XAGE5: variants seen among roughly 807,000 people sequenced by gnomAD.
XAGE5 encodes X antigen family member 5, also known as G antigen, family D, 5.
In XAGE5, 13 loss-of-function variants were observed where a neutral mutation model predicts 13.1. That is an observed-to-expected ratio of 0.99 (90% CI 0.64 to 1.57). XAGE5 has a LOEUF of 1.57. XAGE5 is among the 40% of genes most tolerant of loss of function. XAGE5 has a pLI of 0.00. For missense variants in XAGE5, 86 were observed against 77.6 expected, an observed-to-expected ratio of 1.11 and a Z score of -0.41; for synonymous variants, 17 against 25.0, an observed-to-expected ratio of 0.68 and a Z score of 0.96.
intron 5 of XAGE5, among the ~76,000 whole-genome samples, chrX:52,816,070 T>C (rs1482053680): frequency 8.9e-6 from 1 of 111,992 alleles, no homozygotes; most frequent in African/African-American, 3.2e-5. Context: ...TAGCCTCACA[T>C]GTATTTGGGA....
chrX:52,816,163 C>G (rs782326746), intron 5 of XAGE5, among the ~76,000 whole-genome samples: 1 of 111,103 alleles, frequency 9.0e-6, no homozygotes, highest in African/African-American at 3.3e-5. Flanking sequence ...AGTCTGGGCT[C>G]GAACTCCTGA....
In XAGE5 at chrX:52,818,038, G is replaced by A. The variant is rs190207880; in HGVS notation, c.305-153G>A. Among the ~76,000 whole-genome samples, 14 of 111,842 alleles carry A rather than the reference G, an allele frequency of 1.3e-4. No individual in the cohort carries two copies. In the East Asian group the frequency reaches 1.7e-3, roughly 13 times the overall value. Reference sequence around the variant, plus strand: ...AGTGTATCCTCAAAGTCTCTACAGAGGTCTAGTTGAATATTAGCCGTAGGG... The same window carrying A: ...AGTGTATCCTCAAAGTCTCTACAGAAGTCTAGTTGAATATTAGCCGTAGGG... On this transcript the variant is annotated intron_variant, in intron 5 of 5. Transcript: ENST00000375501.
intron 4 of XAGE5, 106 bp from the exon 5 acceptor site, chrX:52,814,986 T>C (rs1926876766): frequency 1.1e-6 from 1 of 926,602 alleles, no homozygotes; most frequent in East Asian, 3.2e-5. Flanking sequence ...ATTACCACAG[T>C]AGCCTCTAGG....
chrX:52,813,357 A>G (rs1926842267), intron 4 of XAGE5, 112 bp downstream of exon 4: 1 of 727,410 alleles, frequency 1.4e-6, no homozygotes, highest in South Asian at 2.6e-5. Context: ...AAAGGATCTC[A>G]AACATTTGCT....
intron 5 of XAGE5, among the ~76,000 whole-genome samples, chrX:52,817,164 A>G (rs1926919855): frequency 8.9e-6 from 1 of 112,122 alleles, no homozygotes; most frequent in South Asian, 3.7e-4. Flanking sequence ...TAATATTTTC[A>G]GAGTATGGAT....
In XAGE5 at chrX:52,815,199, T is replaced by G. The variant is rs146155391; in HGVS notation, c.286T>G (p.Phe96Val). The change falls in exon 5 of 6, where the codon TTT (phenylalanine) becomes GTT (valine). Residue 96 changes from phenylalanine to valine, a missense_variant. By Grantham distance (50) the Phe-to-Val change is conservative (BLOSUM62 -1). Coordinates refer to ENST00000375501, the MANE Select transcript of XAGE5 (RefSeq NM_001386970.1). Reference sequence around the variant, plus strand: ...GAAGATTCTGCCAAAATCAGAGCAATTTAAAATGCCAGAAGGAGGTATGTT... The same window carrying G: ...GAAGATTCTGCCAAAATCAGAGCAAGTTAAAATGCCAGAAGGAGGTATGTT... ...QGKILPKSEQ[F>V]KMPEGGEGKP... The G allele has an allele frequency of 1.3e-4, 162 of 1,208,820 alleles. 2 individuals are homozygous for G. The African/African-American group carries it at 2.7e-3, about 20-fold the overall frequency.
In XAGE5 at chrX:52,811,855, G is replaced by T. The variant is rs143366005; in HGVS notation, c.-9+136G>T. The stretch of plus-strand genomic sequence containing the variant: ...GTGGCAACTTCTCAACCCCATCTTG[G>T]AAGTTCGAATGGGTGGAAGGGGCTA... On this transcript the variant is annotated intron_variant, in intron 2 of 5. Transcript: ENST00000375501. 4.0e-3 allele frequency among the ~76,000 whole-genome samples: 439 copies of T among 111,074 alleles called. 2 individuals carry two copies. Among genetic ancestry groups the T allele is most frequent in the African/African-American group, 0.014 (423 of 30,598 alleles).
intron 5 of XAGE5, among the ~76,000 whole-genome samples, chrX:52,816,958 A>C (rs1285197628): frequency 3.6e-5 from 4 of 112,509 alleles, no homozygotes; most frequent in Admixed American, 2.8e-4. Flanking sequence ...AATGAAAGGT[A>C]TGAATCATTA....
rs781822961 is a variant in XAGE5 at position 52,813,188 on chromosome X, C to T, written c.121C>T (p.Gln41Ter). The change falls in exon 4 of 6, where the codon CAG becomes TAG. Residue 41 changes from glutamine (Q) to a stop codon, truncating the protein, a stop_gained. Transcript: ENST00000375501. LOFTEE classifies it high-confidence loss of function. ...ACAAGAAGAACCACCAACTGAAAGT[C>T]AGGATCATACACCTGGTCAGAAGAG... is the stretch of plus-strand genomic sequence containing the variant. ...PQQEEPPTES[Q>*]DHTPGQKRED... The T allele has an allele frequency of 5.0e-6, 6 of 1,208,999 alleles. No individual in the cohort carries two copies. In the African/African-American group the frequency reaches 5.3e-5, roughly 11 times the overall value.
At chrX:52,814,215 A>G (rs1556777778) in intron 4 of XAGE5, 1 of 330,773 alleles carries the variant, frequency 3.0e-6, no homozygotes, top group Middle Eastern at 4.4e-4. Flanking sequence ...TCAGGACAAA[A>G]CGCAGTTCAG....
rs1442115675 is a variant in XAGE5 at position 52,811,403 on chromosome X, G to A, written c.-190G>A. Among the ~76,000 whole-genome samples the A allele has an allele frequency of 3.6e-5, 4 of 111,730 alleles. No individual in the cohort carries two copies. The highest frequency in any genetic ancestry group is 7.5e-5 in the Non-Finnish European group (4 of 53,118). ...TAGGTCCACAGGCCGATCCAACTGG[G>A]AGTTGAAGTGTGAGTGAGAGTGCGG... On this transcript the variant is annotated 5_prime_UTR_variant, in exon 1 of 6. Transcript: ENST00000375501.
chrX:52,812,005 G>C (rs1926806912), intron 2 of XAGE5, among the ~76,000 whole-genome samples: 1 of 111,360 alleles, frequency 9.0e-6, no homozygotes, highest in African/African-American at 3.3e-5. Flanking sequence ...ACGATGGAGA[G>C]TCCAATTGCG....
Position 52,818,049 on chromosome X carries a change from A to G in XAGE5, c.305-142A>G, listed in dbSNP as rs782666974. 2.9e-5 allele frequency: 19 copies of G among 660,887 alleles called. No homozygotes were observed. In the South Asian group the frequency reaches 5.5e-4, roughly 19 times the overall value. 54.5% of individuals were successfully genotyped at this position (660,887 alleles called of 1,213,427 possible). On this transcript the variant is annotated intron_variant, in intron 5 of 5. Transcript: ENST00000375501. Reference sequence around the variant, plus strand: ...AAAGTCTCTACAGAGGTCTAGTTGAATATTAGCCGTAGGGAGACTCTTCAG... The same window carrying G: ...AAAGTCTCTACAGAGGTCTAGTTGAGTATTAGCCGTAGGGAGACTCTTCAG...
intron 2 of XAGE5, chrX:52,812,227 C>T (rs1926811208): frequency 4.9e-6 from 1 of 205,036 alleles, no homozygotes; most frequent in Admixed American, 6.7e-5. Context: ...GTGTGGTATA[C>T]ACTCAGGTGC....
At chrX:52,812,376 G>A in intron 2 of XAGE5, 183 bp from the exon 3 acceptor site, 1 of 363,583 alleles carries the variant, frequency 2.8e-6, no homozygotes, top group Non-Finnish European at 4.8e-6. Flanking sequence ...CGGTTCAAGT[G>A]GTTCTCCTGC....
chrX:52,812,239 T>C (rs1172381366), intron 2 of XAGE5: 1 of 219,338 alleles, frequency 4.6e-6, no homozygotes, highest in Non-Finnish European at 8.2e-6. Context: ...CTCAGGTGCA[T>C]TTTTCCAATC....
intron 2 of XAGE5, among the ~76,000 whole-genome samples, 85 bp downstream of exon 2, chrX:52,811,804 G>A (rs1254734305): frequency 2.7e-5 from 3 of 110,674 alleles, no homozygotes; most frequent in Non-Finnish European, 3.8e-5. Context: ...AGAGGTGCCC[G>A]CCCGGTGAGG....
chrX:52,817,836 T>G (rs782608033), intron 5 of XAGE5, among the ~76,000 whole-genome samples: 12 of 112,069 alleles, frequency 1.1e-4, no homozygotes, highest in African/African-American at 3.9e-4. Flanking sequence ...TTTCTTAGGT[T>G]TTTTGTGTTC....
At chrX:52,814,772 C>T (rs1926872345) in intron 4 of XAGE5, 1 of 201,540 alleles carries the variant, frequency 5.0e-6, no homozygotes, top group Non-Finnish European at 9.0e-6. Context: ...TTGTCATAAG[C>T]TCACCAATAC....
Sources: allele counts gnomAD v4.1 joint callset (sites outside exome capture counted in the v4.1 genomes callset), GRCh38; gene constraint gnomAD v4.1.1; transcripts MANE v1.5; gene names NCBI Gene and HGNC (gene_info 2026-07-23, HGNC 2026-07-21).